The following ELAVL4 variants were observed in gnomAD, a reference collection of about 807,000 sequenced individuals.
ELAVL4 encodes ELAV like RNA binding protein 4.
A neutral mutation model predicts 35.6 loss-of-function variants in ELAVL4; 1 was observed. The observed-to-expected ratio is 0.03, with a 90% CI of 0.01 to 0.13. The LOEUF (loss-of-function observed/expected upper bound fraction) is 0.13. Among genes scored for constraint, ELAVL4 ranks in the 10% least tolerant of loss-of-function variants. The probability of loss-of-function intolerance (pLI) is 1.00; values close to 1 mark genes in which losing one functional copy is unlikely to be tolerated. For synonymous variants in ELAVL4, 156 were observed against 171.0 expected (o/e 0.91, Z 0.69); for missense variants, 267 against 464.9 (o/e 0.57, Z 3.91).
At chr1:50,118,241 C>T (rs2148574720) in intron 1 of ELAVL4, among the ~76,000 whole-genome samples, 1 of 152,140 alleles carries the variant, frequency 6.6e-6, no homozygotes, top group East Asian at 1.9e-4. Flanking sequence ...AGCTGTTTTC[C>T]TCCTTTCCCC....
At position 50,109,028 on chromosome 1, in the gene ELAVL4, C is replaced by T. The variant is rs545805562; in HGVS notation, c.-162C>T. 2 of 941,344 alleles carry T rather than the reference C, an allele frequency of 2.1e-6. No homozygotes were observed. Among genetic ancestry groups the T allele is most frequent in the African/African-American group, 3.6e-5 (2 of 55,566 alleles). 58.3% of individuals were successfully genotyped at this position (941,344 alleles called of 1,614,324 possible). On this transcript the variant is annotated 5_prime_UTR_variant, in exon 1 of 7. Transcript: ENST00000371824. ...TTTTTCTTTCTCTCCCCCGCCCACC[C>T]CCCCAAAAATAATTGATTTGCTTTA...
intron 1 of ELAVL4, among the ~76,000 whole-genome samples, chr1:50,064,351 G>A (rs1301752005): frequency 6.6e-6 from 1 of 152,128 alleles, no homozygotes; most frequent in Non-Finnish European, 1.5e-5. Context: ...CTGACATTCT[G>A]TATGTATGAT....
At chr1:50,079,734 A>G (rs890731465) in intron 1 of ELAVL4, among the ~76,000 whole-genome samples, 2 of 152,240 alleles carry the variant, frequency 1.3e-5, no homozygotes, top group East Asian at 1.9e-4. Flanking sequence ...AGGTTGATAC[A>G]TGTAAAAGCA....
intron 1 of ELAVL4, chr1:50,048,219 T>G: frequency 6.7e-7 from 1 of 1,498,740 alleles, no homozygotes; most frequent in Non-Finnish European, 8.9e-7. Context: ...CACCCCCGAC[T>G]CTGCCCGCCC....
intron 2 of ELAVL4, among the ~76,000 whole-genome samples, chr1:50,155,600 T>C (rs1572433337): frequency 1.3e-5 from 2 of 152,190 alleles, no homozygotes; most frequent in Admixed American, 1.3e-4. Flanking sequence ...GGAGGTGTTC[T>C]GAAGCAGGCC....
chr1:50,182,698 C>A (rs1681233181), intron 3 of ELAVL4, among the ~76,000 whole-genome samples: 1 of 152,108 alleles, frequency 6.6e-6, no homozygotes, highest in African/African-American at 2.4e-5. Flanking sequence ...TTTTTGTCAG[C>A]CTTAGACATT....
intron 1 of ELAVL4, among the ~76,000 whole-genome samples, chr1:50,118,291 C>A (rs1668300362): frequency 6.6e-6 from 1 of 152,020 alleles, no homozygotes; most frequent in Non-Finnish European, 1.5e-5. Flanking sequence ...TTCTGTTTCT[C>A]ACGGAATGGT....
chr1:50,125,055 A>G (rs922587026), intron 1 of ELAVL4, among the ~76,000 whole-genome samples: 3 of 151,912 alleles, frequency 2.0e-5, no homozygotes, highest in Admixed American at 6.6e-5. Flanking sequence ...ATTTTAGAGG[A>G]AGAAGACAGA....
chr1:50,145,256 G>T, intron 2 of ELAVL4, 59 bp downstream of exon 2: 1 of 1,603,624 alleles, frequency 6.2e-7, no homozygotes. Context: ...TAGCAGAAAT[G>T]CACATGTGTG....
intron 3 of ELAVL4, among the ~76,000 whole-genome samples, chr1:50,181,747 G>A (rs1362354656): frequency 6.6e-6 from 1 of 152,134 alleles, no homozygotes; most frequent in Non-Finnish European, 1.5e-5. Flanking sequence ...GCAATGGTGC[G>A]ATCTGGGCTC....
rs768494288 is a variant in ELAVL4 at position 50,145,049 on chromosome 1, C to A, written c.102C>A (p.Pro34=). The A allele has an allele frequency of 6.2e-7, 1 of 1,613,982 alleles. No homozygotes were observed. The highest frequency in any genetic ancestry group is 1.3e-5 in the African/African-American group (1 of 75,038). Reference sequence around the variant, plus strand: ...GCAACAACAGAAACTGTCCTTCTCCCATGCAAACAGGGGCAACCACAGATG... The same window carrying A: ...GCAACAACAGAAACTGTCCTTCTCCAATGCAAACAGGGGCAACCACAGATG... ...PSSNNRNCPS[P]MQTGATTDDS... The change falls in exon 2 of 7, where the codon CCC becomes CCA. Residue 34 remains proline (P), a synonymous_variant. Transcript: ENST00000371824.
intron 2 of ELAVL4, 94 bp from the exon 3 acceptor site, chr1:50,176,995 C>T: frequency 1.0e-6 from 1 of 1,001,408 alleles, no homozygotes; most frequent in Admixed American, 2.1e-5. Flanking sequence ...GGAAGTGTTG[C>T]CTCTATAAAG....
chr1:50,187,466 A>G (rs1382805853), intron 3 of ELAVL4, among the ~76,000 whole-genome samples: 3 of 152,208 alleles, frequency 2.0e-5, no homozygotes, highest in Non-Finnish European at 2.9e-5. Context: ...CAGAAAGGTT[A>G]AGTGACTCAC....
At chr1:50,145,877 G>A (rs1407377117) in intron 2 of ELAVL4, among the ~76,000 whole-genome samples, 1 of 152,172 alleles carries the variant, frequency 6.6e-6, no homozygotes, top group Non-Finnish European at 1.5e-5. Context: ...TTTAGGTTCT[G>A]ATTTTCTCCT....
At chr1:50,177,242 C>A in intron 3 of ELAVL4, 50 bp downstream of exon 3, 1 of 1,415,930 alleles carries the variant, frequency 7.1e-7, no homozygotes, top group Non-Finnish European at 1.0e-6. Context: ...GGTTAAATTT[C>A]ATTCTGTTGA....
chr1:50,179,696 T>C (rs1248228545), intron 3 of ELAVL4: 1 of 152,196 alleles, frequency 6.6e-6, no homozygotes, highest in Non-Finnish European at 1.5e-5. Context: ...CTCAGGACCA[T>C]CTAGTACATG....
chr1:50,133,144 T>A (rs1361250004), intron 1 of ELAVL4, among the ~76,000 whole-genome samples: 1 of 152,182 alleles, frequency 6.6e-6, no homozygotes, highest in Non-Finnish European at 1.5e-5. Flanking sequence ...CCTCTTAATA[T>A]AACTCATTGT....
intron 1 of ELAVL4, among the ~76,000 whole-genome samples, chr1:50,119,608 A>G (rs1352653143): frequency 6.6e-6 from 1 of 152,042 alleles, no homozygotes; most frequent in Admixed American, 6.6e-5. Flanking sequence ...TTTAGTAAGA[A>G]CTATTAAACA....
chr1:50,055,816 G>A (rs1298692312), intron 1 of ELAVL4, among the ~76,000 whole-genome samples: 2 of 152,124 alleles, frequency 1.3e-5, no homozygotes, highest in Non-Finnish European at 1.5e-5. Context: ...TTTTGAAGTT[G>A]TGCTGACTTG....
Sources: gnomAD v4.1 joint callset for allele counts (sites outside exome capture counted in the v4.1 genomes callset) on GRCh38, gnomAD v4.1.1 for gene constraint, MANE v1.5 for transcripts, NCBI Gene and HGNC (gene_info 2026-07-23, HGNC 2026-07-21) for gene names.